Variants in TLN2 observed in about 807,000 individuals in gnomAD.
TLN2 encodes talin-2.
A neutral mutation model predicts 294.7 loss-of-function variants in TLN2; 118 were observed. The ratio of observed to expected loss-of-function variants is 0.40; its 90% confidence interval spans 0.34 to 0.47. The LOEUF (loss-of-function observed/expected upper bound fraction) is 0.47. Among genes scored for constraint, TLN2 ranks in the 20% least tolerant of loss-of-function variants. The probability of loss-of-function intolerance (pLI) is 0.84; values close to 1 mark genes in which losing one functional copy is unlikely to be tolerated. For synonymous variants in TLN2, 1,431 were observed against 1,304.5 expected (o/e 1.10, Z -2.09); for missense variants, 3,083 against 3,282.2 (o/e 0.94, Z 1.48).
chr15:62,790,639 G>A lies in TLN2; in HGVS notation c.5737-2002G>A, dbSNP rs143396809. ...AGATCTGTGGTCATCACTGACCTCA[G>A]AGCCCTTGCCTCTAGATTATCTTAC... is the stretch of plus-strand genomic sequence containing the variant. On this transcript the variant is annotated intron_variant, in intron 45 of 58. Coordinates refer to ENST00000636159, the MANE Select transcript of TLN2 (RefSeq NM_015059.3). Among the ~76,000 whole-genome samples the A allele has an allele frequency of 1.2e-4, 18 of 152,326 alleles. No homozygotes were observed. The East Asian group carries it at 3.3e-3, about 28-fold the overall frequency.
intron 32 of TLN2, among the ~76,000 whole-genome samples, chr15:62,747,330 C>G (rs1028927015): frequency 6.6e-6 from 1 of 152,052 alleles, no homozygotes; most frequent in Non-Finnish European, 1.5e-5. Flanking sequence ...CAGGTAAAGT[C>G]ATATAAGAGT....
intron 1 of TLN2, among the ~76,000 whole-genome samples, chr15:62,493,705 G>A (rs113523015): frequency 0.09 from 13,700 of 151,448 alleles, 771 homozygotes; most frequent in Non-Finnish European, 0.12. Flanking sequence ...CCGCCTCCCG[G>A]GTTCAAGCGA....
chr15:62,746,154 G>GT (rs11393193), intron 32 of TLN2, among the ~76,000 whole-genome samples: 48,269 of 151,932 alleles, frequency 0.32, 7,706 homozygotes, highest in African/African-American at 0.35. Flanking sequence ...TAGCAACAAG[G>GT]TTTTTTAAAA....
chr15:62,694,431 C>A (rs751261304), intron 14 of TLN2, 39 bp downstream of exon 14: 1 of 1,576,166 alleles, frequency 6.3e-7, no homozygotes. Flanking sequence ...CACCTTCTCC[C>A]TAGATAGGTA....
rs566220506 is a variant in TLN2 at position 62,701,988 on chromosome 15, C to T, written c.1697-4C>T. Reference sequence around the variant, plus strand: ...TTGATGGGGATGGTTCTTTTCTGTGCCAGGTGACCCTGCAGACACTGACTA... The same window carrying T: ...TTGATGGGGATGGTTCTTTTCTGTGTCAGGTGACCCTGCAGACACTGACTA... On this transcript the variant is annotated splice_region_variant and splice_polypyrimidine_tract_variant and intron_variant, in intron 17 of 58. Transcript: ENST00000636159. 205 of 1,613,870 alleles carry T rather than the reference C, an allele frequency of 1.3e-4. 1 individual carries two copies. The South Asian group carries it at 2.1e-3, about 17-fold the overall frequency.
chr15:62,810,121 C>T lies in TLN2; in HGVS notation c.6771+89C>T, dbSNP rs1202112504. 3 of 1,090,158 alleles carry T rather than the reference C, an allele frequency of 2.8e-6. No individual in the cohort carries two copies. In the African/African-American group the frequency reaches 4.7e-5, roughly 17 times the overall value. 67.5% of individuals were successfully genotyped at this position (1,090,158 alleles called of 1,614,324 possible). A position where few individuals can be genotyped will look rare whatever the true frequency, so the allele number is the denominator to read the frequency against. On this transcript the variant is annotated intron_variant, in intron 52 of 58. Transcript: ENST00000636159. ...CAAACTATGCTTTCCTTGGGAAGAC[C>T]TCTCTCAGAGCCCTGTCCATTGCCA... is the stretch of plus-strand genomic sequence containing the variant.
At chr15:62,790,952 A>G (rs764501328) in intron 45 of TLN2, among the ~76,000 whole-genome samples, 20 of 152,200 alleles carry the variant, frequency 1.3e-4, no homozygotes, top group Admixed American at 9.2e-4. Flanking sequence ...GAGGTAGTCA[A>G]CAAGACAGCC....
chr15:62,440,217 G>A (rs1226445176), intron 1 of TLN2, among the ~76,000 whole-genome samples: 1 of 152,188 alleles, frequency 6.6e-6, no homozygotes, highest in African/African-American at 2.4e-5. Context: ...TCACGAACTT[G>A]ATTCTTTCTG....
At chr15:62,477,089 G>A (rs1212768577) in intron 1 of TLN2, among the ~76,000 whole-genome samples, 2 of 152,222 alleles carry the variant, frequency 1.3e-5, no homozygotes, top group Admixed American at 6.5e-5. Context: ...AGTCTATGCT[G>A]TCTAGAAACT....
At chr15:62,616,163 T>C (rs913134814) in intron 2 of TLN2, among the ~76,000 whole-genome samples, 2 of 152,210 alleles carry the variant, frequency 1.3e-5, no homozygotes, top group African/African-American at 4.8e-5. Context: ...CTTTACCTTT[T>C]CACATTTTCT....
At chr15:62,402,345 C>T (rs1297586590) in intron 1 of TLN2, among the ~76,000 whole-genome samples, 5 of 152,110 alleles carry the variant, frequency 3.3e-5, no homozygotes, top group Admixed American at 6.5e-5. Flanking sequence ...CCAGTCTGAC[C>T]GTCCCCTTTT....
At chr15:62,497,098 G>A (rs760661643) in intron 1 of TLN2, among the ~76,000 whole-genome samples, 2 of 152,124 alleles carry the variant, frequency 1.3e-5, no homozygotes, top group African/African-American at 2.4e-5. Context: ...TGACATTTCT[G>A]ACACCCGTGG....
At chr15:62,593,722 T>A (rs2046264510) in intron 2 of TLN2, among the ~76,000 whole-genome samples, 1 of 152,260 alleles carries the variant, frequency 6.6e-6, no homozygotes, top group Non-Finnish European at 1.5e-5. Context: ...AAAGCCATTC[T>A]ATTCTGTTTA....
intron 11 of TLN2, among the ~76,000 whole-genome samples, chr15:62,680,772 CCT>C (rs1427768118): frequency 6.6e-6 from 1 of 152,024 alleles, no homozygotes; most frequent in Non-Finnish European, 1.5e-5. Flanking sequence ...TCATTATACC[CCT>C]GTTTGCGTTT....
chr15:62,805,621 C>T lies in TLN2; in HGVS notation c.6499C>T (p.Pro2167Ser). ...ELTVFQSKDV[P>S]EKTSSPEESI... ...CCAGGTGTTCCAGTCAAAAGACGTA[C>T]CTGAAAAGACATCATCACCTGAAGA... Residue 2167 changes from proline to serine, a missense_variant, in exon 51 of 59, where the codon CCT (proline) becomes TCT (serine). Transcript: ENST00000636159. 6.2e-7 allele frequency: 1 copy of T among 1,609,926 alleles called. No homozygotes were observed. The highest frequency in any genetic ancestry group is 8.5e-7 in the Non-Finnish European group (1 of 1,177,132).
chr15:62,400,097 G>T (rs543484619), intron 1 of TLN2, among the ~76,000 whole-genome samples: 1 of 152,292 alleles, frequency 6.6e-6, no homozygotes, highest in South Asian at 2.1e-4. Context: ...TCTTCTGATA[G>T]TAAGTGAGAT....
intron 3 of TLN2, among the ~76,000 whole-genome samples, chr15:62,623,671 C>T (rs1035369165): frequency 1.3e-5 from 2 of 152,194 alleles, no homozygotes; most frequent in African/African-American, 4.8e-5. Flanking sequence ...TCAAAACATA[C>T]ATTTCCTTCT....
chr15:62,781,963 G>C (rs1383078258), intron 44 of TLN2, among the ~76,000 whole-genome samples: 1 of 152,218 alleles, frequency 6.6e-6, no homozygotes. Context: ...GACAAATGTT[G>C]TCTTCAAAGA....
At chr15:62,759,944 C>G (rs1206955139) in intron 37 of TLN2, among the ~76,000 whole-genome samples, 1 of 152,238 alleles carries the variant, frequency 6.6e-6, no homozygotes, top group East Asian at 1.9e-4. Context: ...CTCCAGGGAT[C>G]TACCAAACTT....
Sources: allele counts gnomAD v4.1 joint callset (sites outside exome capture counted in the v4.1 genomes callset), GRCh38; gene constraint gnomAD v4.1.1; transcripts MANE v1.5; gene names NCBI Gene and HGNC (gene_info 2026-07-23, HGNC 2026-07-21).